MINAR1: variants seen among roughly 807,000 people sequenced by gnomAD.
MINAR1 encodes the protein major intrinsically disordered Notch2-binding receptor 1.
In MINAR1, 40 loss-of-function variants were observed where a neutral mutation model predicts 65.1. That is an observed-to-expected ratio of 0.61 (90% confidence interval 0.48 to 0.80). MINAR1 has a LOEUF of 0.80. Among genes scored for constraint, MINAR1 ranks in the 30% least tolerant of loss-of-function variants. The pLI is 0.00. For missense variants in MINAR1, 1,128 were observed against 1,148.0 expected (o/e 0.98, Z 0.25); for synonymous variants, 482 against 449.1 (o/e 1.07, Z -0.93).
intron 1 of MINAR1, among the ~76,000 whole-genome samples, chr15:79,452,984 C>T (rs1001659212): frequency 1.9e-4 from 29 of 151,286 alleles, no homozygotes; most frequent in Middle Eastern, 3.4e-3. Context: ...TGCCCTGGGA[C>T]ATATGTGCAT....
chr15:79,452,676 GTC>G (rs1210305761), intron 1 of MINAR1, among the ~76,000 whole-genome samples: 1 of 141,284 alleles, frequency 7.1e-6, no homozygotes, highest in African/African-American at 2.8e-5. Context: ...GTGGGTATGA[GTC>G]TGGGTGTGTG....
chr15:79,419,805 A>G, the MINAR1 span: 1 of 152,234 alleles, frequency 6.6e-6, no homozygotes, highest in African/African-American at 2.4e-5. Context: ...AAAAATACAT[A>G]GCATAAAGGG....
intron 1 of MINAR1, among the ~76,000 whole-genome samples, chr15:79,434,568 G>A (rs867088592): frequency 6.6e-6 from 1 of 152,208 alleles, no homozygotes; most frequent in African/African-American, 2.4e-5. Flanking sequence ...TAAAGGCCAG[G>A]AGAAGGCAGG....
chr15:79,450,451 AC>A (rs1285791231), intron 1 of MINAR1, among the ~76,000 whole-genome samples: 8 of 150,580 alleles, frequency 5.3e-5, no homozygotes, highest in African/African-American at 2.0e-4. Flanking sequence ...CGACGAGAGC[AC>A]CCCCATTAAT....
At chr15:79,459,148 C>T (rs1895549321) in intron 2 of MINAR1, among the ~76,000 whole-genome samples, 1 of 115,074 alleles carries the variant, frequency 8.7e-6, no homozygotes, top group Non-Finnish European at 2.1e-5. Context: ...CACTGCACTC[C>T]AGCCTGGGTA....
At chr15:79,418,054 A>C in the MINAR1 span, 1 of 152,372 alleles carries the variant, frequency 6.6e-6, no homozygotes, top group South Asian at 2.1e-4. Context: ...TAAAACTGTA[A>C]TGCGGAGTGC....
intron 1 of MINAR1, among the ~76,000 whole-genome samples, chr15:79,439,337 GCA>G (rs1894790949): frequency 1.6e-5 from 1 of 62,416 alleles, no homozygotes; most frequent in African/African-American, 5.3e-5. Flanking sequence ...GGTGGGGTAG[GCA>G]GTGTGTGTGT....
At chr15:79,451,372 G>C (rs1895193744) in intron 1 of MINAR1, among the ~76,000 whole-genome samples, 1 of 152,146 alleles carries the variant, frequency 6.6e-6, no homozygotes, top group African/African-American at 2.4e-5. Context: ...CACCACGGAG[G>C]GAACAGAGGA....
At position 79,463,200 on chromosome 15, in the gene MINAR1, T is replaced by G. The variant is rs1388168317; in HGVS notation, c.2432T>G (p.Leu811Arg). ...AAGGCCCACATGAAGAGCAACCCCC[T>G]GTACACAGACATGCGGCTGACCGAG... ...SLKAHMKSNP[L>R]YTDMRLTELA... Residue 811 changes from leucine to arginine, a missense_variant, in exon 3 of 4, where the codon CTG (leucine) becomes CGG (arginine). Coordinates refer to ENST00000305428, the MANE Select transcript of MINAR1 (RefSeq NM_015206.3). 3 of 1,614,098 alleles carry G rather than the reference T, an allele frequency of 1.9e-6. No individual in the cohort carries two copies. Among genetic ancestry groups the G allele is most frequent in the Non-Finnish European group, 2.5e-6 (3 of 1,180,038 alleles).
At chr15:79,429,088 A>C (rs900231293), upstream of MINAR1, among the ~76,000 whole-genome samples, 1 of 152,176 alleles carries the variant, frequency 6.6e-6, no homozygotes, top group African/African-American at 2.4e-5. Flanking sequence ...CTGAGATAAG[A>C]AGGGCTTAGA....
the MINAR1 span, chr15:79,424,644 A>G: frequency 6.6e-6 from 1 of 152,232 alleles, no homozygotes; most frequent in African/African-American, 2.4e-5. Flanking sequence ...ACATGTGCTG[A>G]GCACCTATTA....
At chr15:79,430,992 C>G (rs1325402229), upstream of MINAR1, among the ~76,000 whole-genome samples, 2 of 152,238 alleles carry the variant, frequency 1.3e-5, no homozygotes, top group Non-Finnish European at 2.9e-5. Flanking sequence ...GTTGTTGCCA[C>G]CCACATCCAG....
At chr15:79,460,080 T>A (rs547838260) in intron 2 of MINAR1, among the ~76,000 whole-genome samples, 35 of 152,360 alleles carry the variant, frequency 2.3e-4, no homozygotes, top group African/African-American at 8.2e-4. Context: ...CCAGCAGGAA[T>A]GAGCAGACAC....
upstream of MINAR1, among the ~76,000 whole-genome samples, chr15:79,430,654 G>A (rs151129385): frequency 5.2e-4 from 79 of 152,210 alleles, 1 homozygote; most frequent in East Asian, 0.013. Flanking sequence ...ACTAGGCAAG[G>A]TACAGTGAAT....
chr15:79,468,739 T>C lies in MINAR1; in HGVS notation c.*355T>C, dbSNP rs1312407810. ...ATGTTTCATGGTGGGGAATAAGTTA[T>C]ACAGAAGATATTTAATACACGCCTC... On this transcript the variant is annotated 3_prime_UTR_variant, in exon 4 of 4. Coordinates refer to ENST00000305428, the MANE Select transcript of MINAR1 (RefSeq NM_015206.3). 3.6e-6 allele frequency: 1 copy of C among 274,828 alleles called. No individual in the cohort carries two copies. Among genetic ancestry groups the C allele is most frequent in the Non-Finnish European group, 7.0e-6 (1 of 143,672 alleles). 17.0% of individuals were successfully genotyped at this position (274,828 alleles called of 1,614,324 possible).
chr15:79,445,312 A>C (rs1220071238), intron 1 of MINAR1, among the ~76,000 whole-genome samples: 1 of 152,030 alleles, frequency 6.6e-6, no homozygotes, highest in Non-Finnish European at 1.5e-5. Context: ...ACTAAAGTAC[A>C]GAGAGACTAT....
chr15:79,434,618 C>A (rs994598274), intron 1 of MINAR1, among the ~76,000 whole-genome samples: 2 of 152,248 alleles, frequency 1.3e-5, no homozygotes, highest in Non-Finnish European at 2.9e-5. Context: ...TGGTAATATG[C>A]ATTCTCAAAC....
In MINAR1 at chr15:79,456,311, G is replaced by C. The variant is rs764603314; in HGVS notation, c.164G>C (p.Cys55Ser). The part of the protein sequence containing the change: ...KLRSVLFYTA[C>S]LDPNFPATLF... ...AGAAGTGTGCTCTTCTACACAGCTT[G>C]TCTCGATCCCAATTTTCCAGCCACG... The change falls in exon 2 of 4, where the codon TGT (cysteine) becomes TCT (serine). Residue 55 changes from cysteine (C) to serine (S), a missense_variant. Physicochemically the swap from Cys to Ser is moderately radical, Grantham distance 112. Coordinates refer to ENST00000305428, the MANE Select transcript of MINAR1 (RefSeq NM_015206.3). The C allele has an allele frequency of 1.2e-6, 2 of 1,614,200 alleles. No homozygotes were observed. The highest frequency in any genetic ancestry group is 2.2e-5 in the South Asian group (2 of 91,080).
Position 79,471,960 on chromosome 15 carries a change from A to ATAT in MINAR1, c.*3578_*3580dup, listed in dbSNP as rs1321821677. 1 of 152,634 alleles carries ATAT rather than the reference A, an allele frequency of 6.6e-6. No homozygotes were observed. Among genetic ancestry groups the ATAT allele is most frequent in the African/African-American group, 2.4e-5 (1 of 41,456 alleles). The allele number at this position is 152,634 out of a possible 1,614,324, so 9.5% of individuals were successfully genotyped here. On this transcript the variant is annotated 3_prime_UTR_variant, in exon 4 of 4. Coordinates refer to ENST00000305428, the MANE Select transcript of MINAR1 (RefSeq NM_015206.3). ...GTATAATTGGGGAAAAGGGTATTCA[A>ATAT]TATTTATTAAGTAACAATGAGAAAT... is the stretch of plus-strand genomic sequence containing the variant.
Sources: gnomAD v4.1 joint callset for allele counts (sites outside exome capture counted in the v4.1 genomes callset) on GRCh38, gnomAD v4.1.1 for gene constraint, MANE v1.5 for transcripts, NCBI Gene and HGNC (gene_info 2026-07-23, HGNC 2026-07-21) for gene names.